MAPK8IP2: variants seen among roughly 807,000 people sequenced by gnomAD.
The protein encoded by MAPK8IP2 is C-Jun-amino-terminal kinase-interacting protein 2.
MAPK8IP2 carries 15 observed loss-of-function variants against 75.6 expected under a neutral mutation model. The ratio of observed to expected loss-of-function variants is 0.20; its 90% CI spans 0.13 to 0.31. MAPK8IP2 has a LOEUF of 0.31. Among genes scored for constraint, MAPK8IP2 ranks in the 10% least tolerant of loss-of-function variants. The pLI, the probability that MAPK8IP2 is intolerant of heterozygous loss-of-function variation, is 1.00. For synonymous variants in MAPK8IP2, 632 were observed against 554.5 expected (o/e 1.14, Z -1.96); for missense variants, 1,089 against 1,211.2 (o/e 0.90, Z 1.50).
At chr22:50,605,202 A>G in intron 5 of MAPK8IP2, 138 bp downstream of exon 5, 6 of 1,158,014 alleles carry the variant, frequency 5.2e-6, no homozygotes, top group Non-Finnish European at 7.4e-6. Context: ...TCTCCCACCC[A>G]GGACATGGCA....
intron 10 of MAPK8IP2, among the ~76,000 whole-genome samples, chr22:50,608,833 A>C (rs2071097366): frequency 6.7e-6 from 1 of 150,092 alleles, no homozygotes; most frequent in African/African-American, 2.5e-5. Context: ...GACGGGGCGC[A>C]GACCAGACAG....
intron 9 of MAPK8IP2, 63 bp downstream of exon 9, chr22:50,606,828 G>A (rs2071060349): frequency 1.9e-6 from 3 of 1,594,490 alleles, no homozygotes; most frequent in Admixed American, 1.7e-5. Context: ...GGAGTCCGAC[G>A]GGGCCAGGCT....
rs1168741375 is a variant in MAPK8IP2, at chr22:50,604,095, C to T, written c.796C>T (p.Arg266Cys). The T allele has an allele frequency of 6.5e-7, 1 of 1,549,024 alleles. No individual in the cohort carries two copies. ...GGACGCGGGCGGCGCGCGCCTGGGGCGCATGATCTCGTCCATCTCGGAGAC... is the reference window on the plus strand; with the variant it reads ...GGACGCGGGCGGCGCGCGCCTGGGGTGCATGATCTCGTCCATCTCGGAGAC... ...SEDAGGARLGRMISSISETEL... is the reference protein window; with the variant it reads ...SEDAGGARLGCMISSISETEL... The change falls in exon 5 of 12, where the codon CGC becomes TGC. Residue 266 changes from arginine to cysteine, a missense_variant. Transcript: ENST00000329492.
chr22:50,613,531 AC>A lies in MAPK8IP2; in HGVS notation c.*2754del, dbSNP rs2146701105. 5.9e-5 allele frequency: 9 copies of A among 152,308 alleles called. 3 individuals carry two copies. Among genetic ancestry groups the A allele is most frequent in the Admixed American group, 5.9e-4 (9 of 15,270 alleles). 9.4% of individuals were successfully genotyped at this position (152,308 alleles called of 1,614,324 possible). A position where few individuals can be genotyped will look rare whatever the true frequency, so the allele number is the denominator to read the frequency against. Reference sequence around the variant, plus strand: ...CCTGCTCCGGCCGCTGCCTCACTGCACCTGCAAATCCACTTGCACCCACACC... The same window carrying A: ...CCTGCTCCGGCCGCTGCCTCACTGCACTGCAAATCCACTTGCACCCACACC... On this transcript the variant is annotated 3_prime_UTR_variant, in exon 12 of 12. Coordinates refer to ENST00000329492, the MANE Select transcript of MAPK8IP2 (RefSeq NM_012324.6).
In MAPK8IP2 at chr22:50,601,454, T is replaced by C. The variant is rs1008782136; in HGVS notation, c.66-335T>C. 3 of 252,710 alleles carry C rather than the reference T, an allele frequency of 1.2e-5. No homozygotes were observed. The Admixed American group carries it at 1.4e-4, about 12-fold the overall frequency. The allele number at this position is 252,710 out of a possible 1,614,324, so 15.7% of individuals were successfully genotyped here. On this transcript the variant is annotated intron_variant, in intron 1 of 11. Coordinates refer to ENST00000329492, the MANE Select transcript of MAPK8IP2 (RefSeq NM_012324.6). ...CCCCTCCCCATCTGCCGCTGCCGCG[T>C]TGCAGCTCCCCCTCCCCTGCTCTGC... is the stretch of plus-strand genomic sequence containing the variant.
Position 50,605,670 on chromosome 22 carries a change from G to A in MAPK8IP2, c.1950G>A (p.Gly650=), listed in dbSNP as rs532587032. The A allele has an allele frequency of 1.2e-6, 2 of 1,612,598 alleles. No homozygotes were observed. Among genetic ancestry groups the A allele is most frequent in the East Asian group, 2.2e-5 (1 of 44,872 alleles). Residue 650 remains glycine (G), a synonymous_variant, in exon 7 of 12, where the codon GGG becomes GGA. Transcript: ENST00000329492. ...TCCGTGGCTTCAACATGCGCACGGG[G>A]GAGCGCGGTGTGTTTCCTGCCTTCT... ...FWFRGFNMRT[G]ERGVFPAFYA...
Position 50,605,646 on chromosome 22 carries a change from C to T in MAPK8IP2, c.1926C>T (p.Phe642=), listed in dbSNP as rs1281565147. The change falls in exon 7 of 12, where the codon TTC becomes TTT. Residue 642 remains phenylalanine (F), a synonymous_variant. Transcript: ENST00000329492. ...AGGCCGAGGAGGACGACTTCTGGTT[C>T]CGTGGCTTCAACATGCGCACGGGGG... ...LVEAEEDDFW[F]RGFNMRTGER... is the part of the protein sequence containing the mutation. The T allele has an allele frequency of 1.3e-5, 21 of 1,612,354 alleles. No homozygotes were observed. Among genetic ancestry groups the T allele is most frequent in the Non-Finnish European group, 1.7e-5 (20 of 1,179,616 alleles).
At chr22:50,606,805 A>G (rs758408567) in intron 9 of MAPK8IP2, 40 bp downstream of exon 9, 2 of 1,587,730 alleles carry the variant, frequency 1.3e-6, no homozygotes, top group Admixed American at 1.7e-5. Context: ...ACTGGGGGAT[A>G]GGGTTAGGCC....
Position 50,610,652 on chromosome 22 carries a change from G to A in MAPK8IP2, c.2403-55G>A, listed in dbSNP as rs368323449. On this transcript the variant is annotated intron_variant, in intron 11 of 11. Coordinates refer to ENST00000329492, the MANE Select transcript of MAPK8IP2 (RefSeq NM_012324.6). This position sits in a 1 kb window ranked among gnomAD's most constrained non-coding sequence, Gnocchi z 4.3. ...GAGCTCAGAGGCTCTGTGGAAGGCAGTTTGGGGGTTGAGGACCGGCCCTGA... is the reference window on the plus strand; with the variant it reads ...GAGCTCAGAGGCTCTGTGGAAGGCAATTTGGGGGTTGAGGACCGGCCCTGA... The A allele has an allele frequency of 1.2e-5, 17 of 1,454,588 alleles. No individual in the cohort carries two copies. The highest frequency in any genetic ancestry group is 1.6e-5 in the Non-Finnish European group (17 of 1,052,248). The allele number at this position is 1,454,588 out of a possible 1,614,324, so 90.1% of individuals were successfully genotyped here. A position where few individuals can be genotyped will look rare whatever the true frequency, so the allele number is the denominator to read the frequency against.
At position 50,607,180 on chromosome 22, in the gene MAPK8IP2, G is replaced by T. The variant is rs1476462305; in HGVS notation, c.2303+189G>T. On this transcript the variant is annotated intron_variant, in intron 10 of 11. Transcript: ENST00000329492. This position sits in a 1 kb window ranked among gnomAD's most constrained non-coding sequence, Gnocchi z 5.6. ...TCTGAGCTGGACTCAGGAGGCGTGG[G>T]TCAGACAGGCTTGCATCCAGTCTGG... 6.6e-6 allele frequency among the ~76,000 whole-genome samples: 1 copy of T among 152,196 alleles called. No homozygotes were observed. Among genetic ancestry groups the T allele is most frequent in the Non-Finnish European group, 1.5e-5 (1 of 68,034 alleles).
At chr22:50,601,398 A>C in intron 1 of MAPK8IP2, 1 of 201,600 alleles carries the variant, frequency 5.0e-6, no homozygotes, top group East Asian at 1.2e-4. Context: ...GGAGACAAAC[A>C]GGCCAGACTC....
In MAPK8IP2 at chr22:50,612,818, C is replaced by A; in HGVS notation, c.*2039C>A. On this transcript the variant is annotated 3_prime_UTR_variant, in exon 12 of 12. Coordinates refer to ENST00000329492, the MANE Select transcript of MAPK8IP2 (RefSeq NM_012324.6). ...CCACCCACCTCCTCCCTCTGCTCTT[C>A]CACTCAGGTGAGAATTCTCCAAGCC... 1 of 152,442 alleles carries A rather than the reference C, an allele frequency of 6.6e-6. No individual in the cohort carries two copies. Among genetic ancestry groups the A allele is most frequent in the South Asian group, 1.9e-4 (1 of 5,240 alleles). 9.4% of individuals were successfully genotyped at this position (152,442 alleles called of 1,614,324 possible).
At chr22:50,601,198 G>A (rs2070931331) in intron 1 of MAPK8IP2, 1 of 155,756 alleles carries the variant, frequency 6.4e-6, no homozygotes, top group Admixed American at 6.4e-5. Flanking sequence ...GGAGGATGCG[G>A]GCGGGATGCG....
At position 50,603,115 on chromosome 22, in the gene MAPK8IP2, G is replaced by A. The variant is rs924053793; in HGVS notation, c.172-108G>A. 5.7e-6 allele frequency: 9 copies of A among 1,587,952 alleles called. No homozygotes were observed. The African/African-American group carries it at 1.1e-4, about 19-fold the overall frequency. On this transcript the variant is annotated intron_variant, in intron 2 of 11. Coordinates refer to ENST00000329492, the MANE Select transcript of MAPK8IP2 (RefSeq NM_012324.6). Reference sequence around the variant, plus strand: ...GACAGAGGGGCAGAGTGAGCTGGAAGGGGCTCTCCTTTGACTGATGCTCCC... The same window carrying A: ...GACAGAGGGGCAGAGTGAGCTGGAAAGGGCTCTCCTTTGACTGATGCTCCC...
chr22:50,603,872 C>T lies in MAPK8IP2; in HGVS notation c.573C>T (p.Thr191=), dbSNP rs1342220015. ...CGGGCCCCCTCCCTGCCACGGACAC[C>T]GGGCCCGGCGGGGCGCAGTCGCCAG... The part of the protein sequence containing the change: ...ELPGPLPATD[T]GPGGAQSPVR... Residue 191 remains threonine, a synonymous_variant, in exon 5 of 12, where the codon ACC becomes ACT. Coordinates refer to ENST00000329492, the MANE Select transcript of MAPK8IP2 (RefSeq NM_012324.6). The T allele has an allele frequency of 1.3e-6, 2 of 1,533,330 alleles. No individual in the cohort carries two copies. Among genetic ancestry groups the T allele is most frequent in the East Asian group, 4.9e-5 (2 of 40,620 alleles). The allele number at this position is 1,533,330 out of a possible 1,614,324, so 95.0% of individuals were successfully genotyped here. A position where few individuals can be genotyped will look rare whatever the true frequency, so the allele number is the denominator to read the frequency against.
chr22:50,610,292 C>T lies in MAPK8IP2; in HGVS notation c.2384C>T (p.Pro795Leu), dbSNP rs547728337. 15 of 1,605,926 alleles carry T rather than the reference C, an allele frequency of 9.3e-6. No individual in the cohort carries two copies. The highest frequency in any genetic ancestry group is 3.4e-5 in the South Asian group (3 of 89,452). Reference protein sequence around the residue: ...HVFVSQESMRPVAQSVGRAFL... With the variant: ...HVFVSQESMRLVAQSVGRAFL... ...TTTGTCTCCCAGGAGTCCATGAGGC[C>T]GGTGGCGCAGAGTGTGGGGTGAGTG... Residue 795 changes from proline to leucine, a missense_variant, in exon 11 of 12, where the codon CCG (proline) becomes CTG (leucine). Physicochemically the swap from Pro to Leu is moderately conservative, Grantham distance 98. Transcript: ENST00000329492. This position sits in a 1 kb window ranked among gnomAD's most constrained non-coding sequence, Gnocchi z 4.3.
chr22:50,612,909 C>G lies in MAPK8IP2; in HGVS notation c.*2130C>G, dbSNP rs112535271. On this transcript the variant is annotated 3_prime_UTR_variant, in exon 12 of 12. Coordinates refer to ENST00000329492, the MANE Select transcript of MAPK8IP2 (RefSeq NM_012324.6). ...CCCCGCCCCTGCCCGGCCCCGCCCC[C>G]CAACGTGTCTTCAGGTCTCTTTCCC... 0.11 allele frequency: 4,474 copies of G among 41,696 alleles called. 82 individuals carry two copies. The highest frequency in any genetic ancestry group is 0.16 in the Non-Finnish European group (2,944 of 18,926). 2.6% of individuals were successfully genotyped at this position (41,696 alleles called of 1,614,324 possible). A position where few individuals can be genotyped will look rare whatever the true frequency, so the allele number is the denominator to read the frequency against.
intron 2 of MAPK8IP2, 80 bp downstream of exon 2, chr22:50,601,974 A>G (rs1468957231): frequency 3.3e-6 from 4 of 1,209,682 alleles, no homozygotes; most frequent in Admixed American, 1.7e-5. Context: ...TTGGGGTTTT[A>G]GGGTGGGTGT....
chr22:50,605,363 C>T lies in MAPK8IP2; in HGVS notation c.1766-5C>T. On this transcript the variant is annotated splice_polypyrimidine_tract_variant and splice_region_variant and intron_variant, in intron 5 of 11. Transcript: ENST00000329492. The stretch of plus-strand genomic sequence containing the variant: ...CCCCCGCCTCTGTCCTGCCGGGTCT[C>T]CCAGGCACCGAGTCCTTTGGCCTTT... 1 of 1,612,816 alleles carries T rather than the reference C, an allele frequency of 6.2e-7. No individual in the cohort carries two copies. The highest frequency in any genetic ancestry group is 8.5e-7 in the Non-Finnish European group (1 of 1,179,422).
Sources: gnomAD v4.1 joint callset for allele counts (sites outside exome capture counted in the v4.1 genomes callset) on GRCh38, gnomAD v4.1.1 for gene constraint, Gnocchi (gnomAD v3.1) non-coding constraint, MANE v1.5 for transcripts, NCBI Gene and HGNC (gene_info 2026-07-23, HGNC 2026-07-21) for gene names.